FER: variants seen among roughly 807,000 people sequenced by gnomAD.
The protein encoded by FER is FER tyrosine kinase, also known as tyrosine-protein kinase Fer.
A neutral mutation model predicts 111.0 loss-of-function variants in FER; 63 were observed. The ratio of observed to expected loss-of-function variants is 0.57; its 90% CI spans 0.46 to 0.70. The LOEUF is 0.70. FER is among the 30% of genes least tolerant of loss of function. FER has a pLI of 0.00. For missense variants in FER, 914 were observed against 954.0 expected, an observed-to-expected ratio of 0.96 and a Z score of 0.55; for synonymous variants, 327 against 313.9, an observed-to-expected ratio of 1.04 and a Z score of -0.44.
chr5:109,058,816 T>C (rs936370397), intron 16 of FER, among the ~76,000 whole-genome samples: 1 of 131,222 alleles, frequency 7.6e-6, no homozygotes, highest in Non-Finnish European at 1.6e-5. Flanking sequence ...CACTGCAACC[T>C]CCGCCTTCTG....
At chr5:108,956,349 T>G (rs190531253) in intron 12 of FER, among the ~76,000 whole-genome samples, 344 of 151,838 alleles carry the variant, frequency 2.3e-3, no homozygotes, top group African/African-American at 7.7e-3. Context: ...TATGAATGTT[T>G]CATTTTATTT....
chr5:108,760,114 A>G (rs994248850), intron 1 of FER, among the ~76,000 whole-genome samples: 28 of 151,938 alleles, frequency 1.8e-4, no homozygotes, highest in African/African-American at 6.8e-4. Context: ...TTGGGTGACC[A>G]GGTGCATTGT....
At chr5:109,099,111 G>A (rs944107037) in intron 16 of FER, among the ~76,000 whole-genome samples, 1 of 151,422 alleles carries the variant, frequency 6.6e-6, no homozygotes, top group Admixed American at 6.6e-5. Flanking sequence ...ATATCTGGGG[G>A]CCTAATAGAG....
intron 10 of FER, among the ~76,000 whole-genome samples, chr5:108,910,822 A>G (rs771602659): frequency 6.6e-6 from 1 of 151,842 alleles, no homozygotes; most frequent in East Asian, 1.9e-4. Context: ...ACATTATTTC[A>G]TTATTTTTTA....
At chr5:108,851,058 A>C (rs774586950) in intron 5 of FER, among the ~76,000 whole-genome samples, 7 of 152,142 alleles carry the variant, frequency 4.6e-5, no homozygotes, top group Non-Finnish European at 1.0e-4. Flanking sequence ...GAGTTATATG[A>C]GTTTATTTAT....
At chr5:108,761,185 C>T (rs1283174864) in intron 1 of FER, among the ~76,000 whole-genome samples, 1 of 152,146 alleles carries the variant, frequency 6.6e-6, no homozygotes, top group Admixed American at 6.5e-5. Flanking sequence ...ACCTCGGCCT[C>T]CCAAAGTGCT....
rs545873515 is a variant in FER at position 108,816,521 on chromosome 5, A to G, written c.208-16249A>G. On this transcript the variant is annotated intron_variant, in intron 3 of 19. Coordinates refer to ENST00000281092, the MANE Select transcript of FER (RefSeq NM_005246.4). ...CTTCTTAACGTTTAATATGTGTAAA[A>G]CTATGCAAAGTTTTTTCTGTTAGGT... 1.8e-4 allele frequency among the ~76,000 whole-genome samples: 28 copies of G among 152,312 alleles called. No individual in the cohort carries two copies. In the South Asian group the frequency reaches 5.8e-3, roughly 32 times the overall value.
rs978137358 is a variant in FER at position 109,012,885 on chromosome 5, A to G, written c.1657-24537A>G. Among the ~76,000 whole-genome samples, 19 of 152,180 alleles carry G rather than the reference A, an allele frequency of 1.2e-4. No individual in the cohort carries two copies. The East Asian group carries it at 1.7e-3, about 14-fold the overall frequency. The stretch of plus-strand genomic sequence containing the variant: ...AAAAATTAAAAACTACCAAAGTCAT[A>G]CTTGATAGACTTAAAATGACAAAAG... On this transcript the variant is annotated intron_variant, in intron 13 of 19. Transcript: ENST00000281092.
intron 9 of FER, among the ~76,000 whole-genome samples, chr5:108,884,501 T>C (rs1429900083): frequency 6.6e-6 from 1 of 150,376 alleles, no homozygotes; most frequent in African/African-American, 2.5e-5. Context: ...TAAGTTCATT[T>C]CTTATGCCTG....
intron 13 of FER, among the ~76,000 whole-genome samples, chr5:109,004,936 G>C (rs867508049): frequency 6.6e-6 from 1 of 150,860 alleles, no homozygotes; most frequent in South Asian, 2.1e-4. Context: ...GTTTTGTTTT[G>C]TTTTTTAATA....
chr5:109,165,656 C>G (rs1008774287), intron 17 of FER, among the ~76,000 whole-genome samples: 1 of 151,206 alleles, frequency 6.6e-6, no homozygotes, highest in Non-Finnish European at 1.5e-5. Context: ...ACATATATAT[C>G]ACAGACTCAG....
At chr5:109,074,978 A>G (rs1776153198) in intron 16 of FER, among the ~76,000 whole-genome samples, 1 of 152,248 alleles carries the variant, frequency 6.6e-6, no homozygotes, top group African/African-American at 2.4e-5. Flanking sequence ...GTGTATCAGT[A>G]TGGAATATAT....
At chr5:109,164,947 T>C (rs976279484) in intron 17 of FER, among the ~76,000 whole-genome samples, 1 of 152,192 alleles carries the variant, frequency 6.6e-6, no homozygotes, top group Non-Finnish European at 1.5e-5. Flanking sequence ...TTGCTCCTGT[T>C]TTTCCTCCCC....
intron 13 of FER, among the ~76,000 whole-genome samples, chr5:108,968,051 G>C (rs898012064): frequency 6.6e-5 from 10 of 152,118 alleles, no homozygotes; most frequent in African/African-American, 2.4e-4. Context: ...GATATAATCA[G>C]AGAAACAAGC....
intron 1 of FER, among the ~76,000 whole-genome samples, chr5:108,749,421 G>A (rs182656909): frequency 3.5e-4 from 54 of 152,186 alleles, no homozygotes; most frequent in South Asian, 1.2e-3. Context: ...GTGGTGGGGG[G>A]ACTGTGGGCA....
chr5:108,904,292 A>G (rs553513357), intron 10 of FER, among the ~76,000 whole-genome samples: 4 of 152,330 alleles, frequency 2.6e-5, no homozygotes, highest in Non-Finnish European at 5.9e-5. Flanking sequence ...ATTGGGGGCA[A>G]TAAGGCAATG....
chr5:109,022,680 T>G (rs1221356290), intron 13 of FER, among the ~76,000 whole-genome samples: 2 of 152,114 alleles, frequency 1.3e-5, no homozygotes, highest in Admixed American at 1.3e-4. Context: ...AAAGTTTCTC[T>G]GAGGAGACAC....
At chr5:108,924,154 C>T (rs567371920) in intron 10 of FER, among the ~76,000 whole-genome samples, 7 of 151,880 alleles carry the variant, frequency 4.6e-5, no homozygotes, top group South Asian at 4.2e-4. Context: ...GTCAGGAGTT[C>T]GAGACTAGCC....
Position 108,835,742 on chromosome 5 carries a change from G to T in FER, c.416G>T (p.Ser139Ile), listed in dbSNP as rs1405560340. The T allele has an allele frequency of 6.4e-7, 1 of 1,573,784 alleles. No individual in the cohort carries two copies. The highest frequency in any genetic ancestry group is 8.6e-7 in the Non-Finnish European group (1 of 1,166,174). ...TKTELEKLKC[S>I]YRQLIKEMNS... ...ACAGAATTGGAGAAGTTAAAATGCA[G>T]CTATAGACAATTAATAAAAGAAATG... The change falls in exon 5 of 20, where the codon AGC becomes ATC. Residue 139 changes from serine to isoleucine, a missense_variant. Physicochemically the swap from Ser to Ile is moderately radical, Grantham distance 142. Around this residue, in one of 3 missense-constraint regions of FER, gnomAD observed 774 missense variants for 782.6 expected, o/e 0.99. Transcript: ENST00000281092.
Sources: allele counts gnomAD v4.1 joint callset (sites outside exome capture counted in the v4.1 genomes callset), GRCh38; gene constraint gnomAD v4.1.1; regional missense constraint gnomAD v4.1.1; transcripts MANE v1.5; gene names NCBI Gene and HGNC (gene_info 2026-07-23, HGNC 2026-07-21).